The following CHRNA10 variants were observed in gnomAD, a reference collection of about 807,000 sequenced individuals.
The protein encoded by CHRNA10 is neuronal acetylcholine receptor subunit alpha-10.
A neutral mutation model predicts 36.0 loss-of-function variants in CHRNA10; 31 were observed. The observed-to-expected ratio is 0.86, with a 90% CI of 0.65 to 1.16. CHRNA10 has a LOEUF of 1.16. Among genes scored for constraint, CHRNA10 ranks in the 50% most tolerant of loss-of-function variants. The pLI is 0.00. For synonymous variants in CHRNA10, 302 were observed against 287.0 expected, an observed-to-expected ratio of 1.05 and a Z score of -0.53; for missense variants, 648 against 640.9, an observed-to-expected ratio of 1.01 and a Z score of -0.12.
Position 3,671,337 on chromosome 11 carries a change from G to A in CHRNA10, c.-25C>T, listed in dbSNP as rs768521526. 10 of 1,613,266 alleles carry A rather than the reference G, an allele frequency of 6.2e-6. No homozygotes were observed. The highest frequency in any genetic ancestry group is 8.5e-6 in the Non-Finnish European group (10 of 1,179,506). The stretch of plus-strand genomic sequence containing the variant: ...TGGCCCTGGCACTGCAAGAGCGGGG[G>A]CAGGTCTCTGGATGTGAGGCCTCCT... On this transcript the variant is annotated 5_prime_UTR_variant, in exon 1 of 5. Coordinates refer to ENST00000250699, the MANE Select transcript of CHRNA10 (RefSeq NM_020402.4).
intron 1 of CHRNA10, chr11:3,671,033 T>A: frequency 1.7e-6 from 1 of 585,840 alleles, no homozygotes; most frequent in Non-Finnish European, 3.0e-6. Flanking sequence ...CCCAGCCCTG[T>A]CTCTGGAAGC....
Position 3,666,229 on chromosome 11 carries a change from C to T in CHRNA10, c.1231G>A (p.Ala411Thr), listed in dbSNP as rs756949177. ...CAGTCCTCATGGCAGCGCTGGGCAGCTCGGTGGCTGCGGAAGGTATTGGCA... is the reference window on the plus strand; with the variant it reads ...CAGTCCTCATGGCAGCGCTGGGCAGTTCGGTGGCTGCGGAAGGTATTGGCA... The part of the protein sequence containing the change: ...TIANTFRSHR[A>T]AQRCHEDWKR... Residue 411 changes from alanine (A) to threonine (T), a missense_variant, in exon 5 of 5, where the codon GCT becomes ACT. Physicochemically the swap from Ala to Thr is moderately conservative, Grantham distance 58. Coordinates refer to ENST00000250699, the MANE Select transcript of CHRNA10 (RefSeq NM_020402.4). 8.7e-5 allele frequency: 141 copies of T among 1,613,988 alleles called. 1 individual carries two copies. In the South Asian group the frequency reaches 1.5e-3, roughly 17 times the overall value.
In CHRNA10 at chr11:3,667,566, G is replaced by C; in HGVS notation, c.561C>G (p.Arg187=). 6.4e-7 allele frequency: 1 copy of C among 1,560,508 alleles called. No individual in the cohort carries two copies. Among genetic ancestry groups the C allele is most frequent in the Non-Finnish European group, 8.6e-7 (1 of 1,158,568 alleles). The change falls in exon 4 of 5, where the codon CGC becomes CGG. Residue 187 remains arginine, a synonymous_variant. Coordinates refer to ENST00000250699, the MANE Select transcript of CHRNA10 (RefSeq NM_020402.4). ...AGTCCGCCAGGCTGGCTGCAGCGCC[G>C]CGCGGCCGCACATCCAGTTGGTGCC... The part of the protein sequence containing the change: ...HGGHQLDVRP[R]GAAASLADFV...
Position 3,667,413 on chromosome 11 carries a change from G to A in CHRNA10, c.714C>T (p.Ala238=). The A allele has an allele frequency of 2.5e-6, 4 of 1,598,744 alleles. No individual in the cohort carries two copies. The highest frequency in any genetic ancestry group is 3.4e-6 in the Non-Finnish European group (4 of 1,177,136). Residue 238 remains alanine (A), a synonymous_variant, in exon 4 of 5, where the codon GCC becomes GCT. Coordinates refer to ENST00000250699, the MANE Select transcript of CHRNA10 (RefSeq NM_020402.4). ...FTLLLRRRAA[A]YVCNLLLPCV... ...AGGGCAGCAGCAGGTTGCACACGTA[G>A]GCGGCGGCGCGGCGGCGCAGCAGCA...
In CHRNA10 at chr11:3,667,232, C is replaced by T. The variant is rs988501910; in HGVS notation, c.895G>A (p.Gly299Arg). 5.7e-6 allele frequency: 9 copies of T among 1,575,520 alleles called. No homozygotes were observed. Among genetic ancestry groups the T allele is most frequent in the African/African-American group, 1.3e-5 (1 of 74,268 alleles). ...GTCCCCCCGCGCCCCCGCTGCTCAC[C>T]GATGAGCGGCACGCTCTCGGCCGGT... The part of the protein sequence containing the change: ...MPPAESVPLI[G>R]KYYMATMTMV... Residue 299 changes from glycine (G) to arginine (R), a missense_variant and splice_region_variant, in exon 4 of 5, where the codon GGG becomes AGG. Gly to Arg is a moderately radical substitution (Grantham distance 125). Coordinates refer to ENST00000250699, the MANE Select transcript of CHRNA10 (RefSeq NM_020402.4).
chr11:3,669,584 T>A, intron 2 of CHRNA10: 1 of 753,518 alleles, frequency 1.3e-6, no homozygotes, highest in Non-Finnish European at 2.2e-6. Context: ...AGGGATTCAG[T>A]AAGTTCAGGT....
rs752007041 is a variant in CHRNA10, at chr11:3,667,611, G to T, written c.516C>A (p.Phe172Leu). ...PFDAQHCGLT[F>L]GSWTHGGHQL... is the part of the protein sequence containing the mutation. Reference sequence around the variant, plus strand: ...GGTGCCCGCCGTGAGTCCAGGAGCCGAACGTCAGGCCGCAGTGCTGGGCGT... The same window carrying T: ...GGTGCCCGCCGTGAGTCCAGGAGCCTAACGTCAGGCCGCAGTGCTGGGCGT... The change falls in exon 4 of 5, where the codon TTC becomes TTA. Residue 172 changes from phenylalanine (F) to leucine (L), a missense_variant. Transcript: ENST00000250699. The T allele has an allele frequency of 1.9e-6, 3 of 1,557,004 alleles. No individual in the cohort carries two copies. Among genetic ancestry groups the T allele is most frequent in the South Asian group, 1.2e-5 (1 of 86,310 alleles).
In CHRNA10 at chr11:3,671,307, C is replaced by A. The variant is rs1442634491; in HGVS notation, c.6G>T (p.Gly2=). ...CCAGGCTGAGGTGGTGGCTCCGGAG[C>A]CCCATGGCCCTGGCACTGCAAGAGC... M[G]LRSHHLSLGL... Residue 2 remains glycine, a synonymous_variant, in exon 1 of 5, where the codon GGG becomes GGT. Coordinates refer to ENST00000250699, the MANE Select transcript of CHRNA10 (RefSeq NM_020402.4). The A allele has an allele frequency of 1.2e-6, 2 of 1,613,916 alleles. No individual in the cohort carries two copies. The highest frequency in any genetic ancestry group is 1.6e-4 in the Middle Eastern group (1 of 6,076).
At position 3,669,829 on chromosome 11, in the gene CHRNA10, G is replaced by T; in HGVS notation, c.174C>A (p.Thr58=). 1 of 1,614,104 alleles carries T rather than the reference G, an allele frequency of 6.2e-7. No individual in the cohort carries two copies. Among genetic ancestry groups the T allele is most frequent in the Non-Finnish European group, 8.5e-7 (1 of 1,180,002 alleles). ...VADTDQTLNV[T]LEVTLSQIID... ...TGATCTGGGACAGTGTCACCTCCAGGGTCACATTCAGAGTCTGGTCTGTGT... is the reference window on the plus strand; with the variant it reads ...TGATCTGGGACAGTGTCACCTCCAGTGTCACATTCAGAGTCTGGTCTGTGT... Residue 58 remains threonine, a synonymous_variant, in exon 2 of 5, where the codon ACC becomes ACA. Coordinates refer to ENST00000250699, the MANE Select transcript of CHRNA10 (RefSeq NM_020402.4).
At position 3,666,394 on chromosome 11, in the gene CHRNA10, G is replaced by C. The variant is rs200226257; in HGVS notation, c.1066C>G (p.Pro356Ala). The change falls in exon 5 of 5, where the codon CCC becomes GCC. Residue 356 changes from proline (P) to alanine (A), a missense_variant. Coordinates refer to ENST00000250699, the MANE Select transcript of CHRNA10 (RefSeq NM_020402.4). ...RGLCVRERGEPCGQSRPPELS... is the reference protein window; with the variant it reads ...RGLCVRERGEACGQSRPPELS... ...TCAGGTGGCCTGGACTGCCCACAGG[G>C]CTCCCCTCTTTCCCGCACGCACAGG... 9.9e-6 allele frequency: 16 copies of C among 1,613,652 alleles called. No individual in the cohort carries two copies. The Admixed American group carries it at 2.7e-4, about 27-fold the overall frequency.
In CHRNA10 at chr11:3,669,837, T is replaced by G. The variant is rs1291682838; in HGVS notation, c.166A>C (p.Asn56His). ...GACAGTGTCACCTCCAGGGTCACAT[T>G]CAGAGTCTGGTCTGTGTCTGCCACA... ...RPVADTDQTL[N>H]VTLEVTLSQI... is the part of the protein sequence containing the mutation. The change falls in exon 2 of 5, where the codon AAT becomes CAT. Residue 56 changes from asparagine to histidine, a missense_variant. Transcript: ENST00000250699. The G allele has an allele frequency of 2.5e-6, 4 of 1,614,004 alleles. No homozygotes were observed. The Admixed American group carries it at 6.7e-5, about 27-fold the overall frequency.
rs201163422 is a variant in CHRNA10, at chr11:3,667,479, G to A, written c.648C>T (p.Tyr216=). 8 of 1,589,852 alleles carry A rather than the reference G, an allele frequency of 5.0e-6. No homozygotes were observed. The highest frequency in any genetic ancestry group is 3.4e-5 in the Admixed American group (2 of 58,906). Residue 216 remains tyrosine, a synonymous_variant, in exon 4 of 5, where the codon TAC becomes TAT. Transcript: ENST00000250699. The part of the protein sequence containing the change: ...GMPARRRVLT[Y]GCCSEPYPDV... ...CGGGGTAGGGCTCGGAGCAGCAGCC[G>A]TAGGTGAGCACGCGCCGCCGCGCCG...
At position 3,666,325 on chromosome 11, in the gene CHRNA10, G is replaced by A. The variant is rs746109032; in HGVS notation, c.1135C>T (p.Pro379Ser). 9 of 1,613,328 alleles carry A rather than the reference G, an allele frequency of 5.6e-6. No homozygotes were observed. The highest frequency in any genetic ancestry group is 7.6e-6 in the Non-Finnish European group (9 of 1,179,802). Residue 379 changes from proline (P) to serine (S), a missense_variant, in exon 5 of 5, where the codon CCA (proline) becomes TCA (serine). By Grantham distance (74) the Pro-to-Ser change is moderately conservative (BLOSUM62 -1). Coordinates refer to ENST00000250699, the MANE Select transcript of CHRNA10 (RefSeq NM_020402.4). The stretch of plus-strand genomic sequence containing the variant: ...CGTGGCTCGTGGCAAGGGCCCGCTG[G>A]GGGGCCAGCCCCTCCTTCAGGCGAC... The part of the protein sequence containing the change: ...PQSPEGGAGP[P>S]AGPCHEPRCL...
rs2077711940 is a variant in CHRNA10, at chr11:3,671,248, A to G, written c.61+4T>C. On this transcript the variant is annotated splice_donor_region_variant and intron_variant, in intron 1 of 4. Transcript: ENST00000250699. The stretch of plus-strand genomic sequence containing the variant: ...GGCCAGGGCTGGTGTACTGAGCTTC[A>G]TACCTGCAGGGAGTAGAAACAGAAG... The G allele has an allele frequency of 6.2e-7, 1 of 1,614,076 alleles. No individual in the cohort carries two copies. The highest frequency in any genetic ancestry group is 8.5e-7 in the Non-Finnish European group (1 of 1,179,914).
rs56054950 is a variant in CHRNA10, at chr11:3,666,246, G to T, written c.1214C>A (p.Thr405Asn). 1.6e-3 allele frequency: 2,507 copies of T among 1,614,098 alleles called. 3 individuals carry two copies. The highest frequency in any genetic ancestry group is 2.0e-3 in the Non-Finnish European group (2,330 of 1,180,026). Residue 405 changes from threonine (T) to asparagine (N), a missense_variant, in exon 5 of 5, where the codon ACC becomes AAC. Physicochemically the swap from Thr to Asn is moderately conservative, Grantham distance 65. Transcript: ENST00000250699. ...CTGGGCAGCTCGGTGGCTGCGGAAG[G>T]TATTGGCAATGGTGGCTACGTGGTG... ...LLHHVATIAN[T>N]FRSHRAAQRC...
At position 3,665,874 on chromosome 11, in the gene CHRNA10, T is replaced by G. The variant is rs143897402; in HGVS notation, c.*233A>C. The stretch of plus-strand genomic sequence containing the variant: ...GACTGTACTCTGTGATCTTGGCCTT[T>G]GTAGAGTTCCTCTTTTTTTTGGAAT... On this transcript the variant is annotated 3_prime_UTR_variant, in exon 5 of 5. Coordinates refer to ENST00000250699, the MANE Select transcript of CHRNA10 (RefSeq NM_020402.4). 850 of 472,050 alleles carry G rather than the reference T, an allele frequency of 1.8e-3. 5 individuals are homozygous for G. Among genetic ancestry groups the G allele is most frequent in the African/African-American group, 0.015 (773 of 51,168 alleles). The allele number at this position is 472,050 out of a possible 1,614,324, so 29.2% of individuals were successfully genotyped here.
chr11:3,669,498 T>C, intron 2 of CHRNA10, 148 bp from the exon 3 acceptor site: 1 of 1,008,106 alleles, frequency 9.9e-7, no homozygotes, highest in Non-Finnish European at 1.5e-6. Flanking sequence ...GACCTTGCCA[T>C]GTGACCTTAG....
At position 3,666,032 on chromosome 11, in the gene CHRNA10, C is replaced by T; in HGVS notation, c.*75G>A. ...AGAGACTGGCTGGCCCAAAGACCAGCAACCACTTGGCCGTGGCTGTCCCTT... is the reference window on the plus strand; with the variant it reads ...AGAGACTGGCTGGCCCAAAGACCAGTAACCACTTGGCCGTGGCTGTCCCTT... On this transcript the variant is annotated 3_prime_UTR_variant, in exon 5 of 5. Transcript: ENST00000250699. 7.4e-7 allele frequency: 1 copy of T among 1,350,694 alleles called. No homozygotes were observed. 83.7% of individuals were successfully genotyped at this position (1,350,694 alleles called of 1,614,324 possible). A position where few individuals can be genotyped will look rare whatever the true frequency, so the allele number is the denominator to read the frequency against.
intron 1 of CHRNA10, 30 bp downstream of exon 1, chr11:3,671,222 A>G (rs1339783842): frequency 6.2e-7 from 1 of 1,607,970 alleles, no homozygotes. Flanking sequence ...CCACCAGGAG[A>G]GGCCAGGGCT....
Sources: allele counts gnomAD v4.1 joint callset, GRCh38; gene constraint gnomAD v4.1.1; transcripts MANE v1.5; gene names NCBI Gene and HGNC (gene_info 2026-07-23, HGNC 2026-07-21).